ANKRD44: variants seen among roughly 807,000 people sequenced by gnomAD.
The protein encoded by ANKRD44 is ankyrin repeat domain 44.
Under a neutral mutation model 116.0 loss-of-function variants are expected in ANKRD44, and 35 were observed. That is an observed-to-expected ratio of 0.30 (90% CI 0.23 to 0.40). The LOEUF (loss-of-function observed/expected upper bound fraction) is 0.40, where lower values mean the gene tolerates loss of function less well. Ranked by LOEUF, ANKRD44 falls within the 10% of genes least tolerant of loss-of-function variation. ANKRD44 has a pLI of 1.00. For synonymous variants in ANKRD44, 435 were observed against 461.8 expected, an observed-to-expected ratio of 0.94 and a Z score of 0.74; for missense variants, 1,014 against 1,242.6, an observed-to-expected ratio of 0.82 and a Z score of 2.77.
intron 19 of ANKRD44, 120 bp from the exon 20 acceptor site, chr2:197,008,043 A>G (rs989043044): frequency 5.7e-6 from 4 of 702,560 alleles, no homozygotes; most frequent in African/African-American, 5.4e-5. Context: ...CAATTTCTTA[A>G]TATTTTCTAA....
At chr2:197,075,634 C>T (rs2077650219) in intron 16 of ANKRD44, among the ~76,000 whole-genome samples, 2 of 152,172 alleles carry the variant, frequency 1.3e-5, no homozygotes, top group African/African-American at 2.4e-5. Flanking sequence ...GGGGTTCATA[C>T]TACCTTTTAG....
chr2:197,083,627 G>T, intron 13 of ANKRD44, 118 bp from the exon 14 acceptor site: 1 of 1,101,826 alleles, frequency 9.1e-7, no homozygotes, highest in Non-Finnish European at 1.3e-6. Context: ...CTCAGAGTGT[G>T]TGGAGGCCAA....
chr2:197,048,882 T>C (rs2077053679), intron 16 of ANKRD44, among the ~76,000 whole-genome samples: 1 of 152,214 alleles, frequency 6.6e-6, no homozygotes, highest in Admixed American at 6.5e-5. Context: ...CCATTCTAAC[T>C]GGAGTGGGAT....
intron 1 of ANKRD44, among the ~76,000 whole-genome samples, chr2:197,272,080 C>T (rs1023585758): frequency 1.3e-5 from 2 of 152,222 alleles, no homozygotes; most frequent in African/African-American, 4.8e-5. Context: ...CTCCTTCCAT[C>T]ATGTGAGATC....
intron 3 of ANKRD44, among the ~76,000 whole-genome samples, chr2:197,144,015 T>C (rs1351483061): frequency 6.6e-6 from 1 of 152,168 alleles, no homozygotes; most frequent in Non-Finnish European, 1.5e-5. Flanking sequence ...TAGCCACTGA[T>C]TGGTTCTCAC....
chr2:197,264,610 C>G (rs1216765400), intron 1 of ANKRD44, among the ~76,000 whole-genome samples: 2 of 152,154 alleles, frequency 1.3e-5, no homozygotes, highest in African/African-American at 4.8e-5. Flanking sequence ...CTCAGGGCAT[C>G]CTCACAGAAG....
chr2:197,287,450 C>T (rs1262267359), intron 1 of ANKRD44, among the ~76,000 whole-genome samples: 2 of 152,056 alleles, frequency 1.3e-5, no homozygotes, highest in Non-Finnish European at 1.5e-5. Flanking sequence ...GCAGAGAGGA[C>T]GTGTGTTTCT....
chr2:197,283,603 G>A (rs2083325350), intron 1 of ANKRD44, among the ~76,000 whole-genome samples: 1 of 151,974 alleles, frequency 6.6e-6, no homozygotes, highest in African/African-American at 2.4e-5. Flanking sequence ...AAACAAAACT[G>A]TTGAAAGTGT....
intron 16 of ANKRD44, among the ~76,000 whole-genome samples, chr2:197,066,854 A>C (rs9679179): frequency 0.85 from 128,639 of 152,040 alleles, 56,845 homozygotes; most frequent in East Asian, 1. Context: ...AATGGCCATA[A>C]TGCCCAAGGT....
intron 1 of ANKRD44, chr2:197,250,975 C>T (rs768283656): frequency 4.6e-5 from 7 of 152,306 alleles, no homozygotes; most frequent in Middle Eastern, 3.4e-3. Flanking sequence ...TCTCTTCACC[C>T]ATCTTCACTG....
intron 1 of ANKRD44, among the ~76,000 whole-genome samples, chr2:197,216,473 C>T (rs1464508806): frequency 6.6e-6 from 1 of 152,146 alleles, no homozygotes; most frequent in Non-Finnish European, 1.5e-5. Context: ...GGAGCTGTCC[C>T]TCCTAAATCC....
intron 2 of ANKRD44, among the ~76,000 whole-genome samples, chr2:197,170,528 T>C (rs2080207514): frequency 6.6e-6 from 1 of 152,230 alleles, no homozygotes; most frequent in South Asian, 2.1e-4. Context: ...CCTAGAGCAA[T>C]ATTAATAATG....
At position 197,090,009 on chromosome 2, in the gene ANKRD44, G is replaced by A; in HGVS notation, c.1124C>T (p.Pro375Leu). The change falls in exon 11 of 28, where the codon CCT becomes CTT. Residue 375 changes from proline to leucine, a missense_variant. Transcript: ENST00000282272. ...AGCATTTAGGGCAGCTAAATGTAAA[G>A]GGAACATGCTATGGATTCCACACCT... ...TAKCGIHSMFPLHLAALNAHS... is the reference protein window; with the variant it reads ...TAKCGIHSMFLLHLAALNAHS... 6.2e-7 allele frequency: 1 copy of A among 1,614,064 alleles called. No homozygotes were observed.
intron 9 of ANKRD44, among the ~76,000 whole-genome samples, chr2:197,105,974 A>T (rs567155548): frequency 6.6e-6 from 1 of 152,334 alleles, no homozygotes; most frequent in Non-Finnish European, 1.5e-5. Context: ...TCACCAAATC[A>T]TTCTTAAAAA....
chr2:196,979,577 T>TTTTTTTTTTTTTTTTTTTTTTTTC, intron 21 of ANKRD44, among the ~76,000 whole-genome samples: 1 of 145,496 alleles, frequency 6.9e-6, no homozygotes, highest in African/African-American at 2.5e-5. Flanking sequence ...TTTTTTTTTT[T>TTTTTTTTTTTTTTTTTTTTTTTTC]TTTAAGACAG....
At chr2:197,150,377 T>C (rs892750466) in intron 2 of ANKRD44, among the ~76,000 whole-genome samples, 33 of 152,040 alleles carry the variant, frequency 2.2e-4, no homozygotes, top group Admixed American at 1.3e-4. Context: ...TGAAACCCCA[T>C]TTCTACAAAA....
At chr2:197,272,583 C>T (rs1003498533) in intron 1 of ANKRD44, among the ~76,000 whole-genome samples, 4 of 152,254 alleles carry the variant, frequency 2.6e-5, no homozygotes, top group Non-Finnish European at 4.4e-5. Flanking sequence ...GTTTTAGCAG[C>T]CCAAATGGAC....
At chr2:197,072,046 A>AGAAGGAAGGAAGGAAGGAAGGAAG (rs60306279) in intron 16 of ANKRD44, among the ~76,000 whole-genome samples, 9 of 111,206 alleles carry the variant, frequency 8.1e-5, no homozygotes, top group African/African-American at 2.2e-4. Flanking sequence ...GAGGGAGGAA[A>AGAAGGAAGGAAGGAAGGAAGGAAG]GAAGGAAGGA....
chr2:197,088,914 G>A, intron 11 of ANKRD44, 140 bp from the exon 12 acceptor site: 1 of 839,646 alleles, frequency 1.2e-6, no homozygotes, highest in Non-Finnish European at 1.7e-6. Context: ...TCAGAAAGAG[G>A]TTGTCATGGA....
Sources: allele counts gnomAD v4.1 joint callset (sites outside exome capture counted in the v4.1 genomes callset), GRCh38; gene constraint gnomAD v4.1.1; transcripts MANE v1.5; gene names NCBI Gene and HGNC (gene_info 2026-07-23, HGNC 2026-07-21).